ERBB4: variants seen among roughly 807,000 people sequenced by gnomAD.
The protein encoded by ERBB4 is receptor tyrosine-protein kinase erbB-4.
ERBB4 carries 42 observed loss-of-function variants against 158.0 expected under a neutral mutation model. The ratio of observed to expected loss-of-function variants is 0.27; its 90% confidence interval spans 0.21 to 0.34. The LOEUF (loss-of-function observed/expected upper bound fraction) is 0.34. Among genes scored for constraint, ERBB4 ranks in the 10% least tolerant of loss-of-function variants. The pLI is 1.00. For missense variants in ERBB4, 1,333 were observed against 1,624.1 expected (o/e 0.82, Z 3.08); for synonymous variants, 583 against 558.7 (o/e 1.04, Z -0.61).
intron 20 of ERBB4, among the ~76,000 whole-genome samples, chr2:211,557,757 A>G (rs1232798776): frequency 6.6e-6 from 1 of 152,038 alleles, no homozygotes; most frequent in Non-Finnish European, 1.5e-5. Context: ...CCCAGCAATC[A>G]CCTTCCTGGG....
At chr2:212,350,780 G>A (rs2089217676) in intron 1 of ERBB4, among the ~76,000 whole-genome samples, 1 of 146,382 alleles carries the variant, frequency 6.8e-6, no homozygotes, top group Non-Finnish European at 1.5e-5. Context: ...TAAATAAGGT[G>A]ACAAATTCAA....
intron 1 of ERBB4, among the ~76,000 whole-genome samples, chr2:212,147,861 T>C (rs1021763385): frequency 1.1e-4 from 16 of 152,154 alleles, no homozygotes; most frequent in African/African-American, 3.9e-4. Flanking sequence ...TATTTGCAAT[T>C]GTGGGGAGTT....
At chr2:212,183,337 G>A (rs2081928642) in intron 1 of ERBB4, among the ~76,000 whole-genome samples, 1 of 151,950 alleles carries the variant, frequency 6.6e-6, no homozygotes, top group Non-Finnish European at 1.5e-5. Flanking sequence ...TGAAGCATTA[G>A]AAACAGAGGG....
At chr2:212,436,406 A>C (rs1214730271) in intron 1 of ERBB4, among the ~76,000 whole-genome samples, 1 of 152,046 alleles carries the variant, frequency 6.6e-6, no homozygotes, top group Non-Finnish European at 1.5e-5. Context: ...TGATAAGAAA[A>C]TATCTACAAT....
chr2:212,232,650 C>T (rs771802647), intron 1 of ERBB4, among the ~76,000 whole-genome samples: 12 of 152,056 alleles, frequency 7.9e-5, no homozygotes, highest in African/African-American at 1.2e-4. Flanking sequence ...CCTCATGATC[C>T]GCCTGCCTCG....
At chr2:211,601,894 G>C (rs995075960) in intron 19 of ERBB4, among the ~76,000 whole-genome samples, 1 of 152,010 alleles carries the variant, frequency 6.6e-6, no homozygotes, top group African/African-American at 2.4e-5. Flanking sequence ...AAAGTATTGG[G>C]GGTCATATAA....
At chr2:211,661,759 G>A (rs2105909721) in intron 15 of ERBB4, among the ~76,000 whole-genome samples, 1 of 152,062 alleles carries the variant, frequency 6.6e-6, no homozygotes, top group Non-Finnish European at 1.5e-5. Flanking sequence ...TTAAGGTACG[G>A]CCGGGCGCGG....
chr2:211,562,769 C>CTTTTTTTTTTTT (rs367801279), intron 19 of ERBB4, among the ~76,000 whole-genome samples: 5 of 125,734 alleles, frequency 4.0e-5, no homozygotes, highest in African/African-American at 1.4e-4. Flanking sequence ...ACTACTCCAA[C>CTTTTTTTTTTTT]TTTTTTTTTT....
intron 19 of ERBB4, among the ~76,000 whole-genome samples, chr2:211,577,681 C>A (rs745857783): frequency 6.6e-6 from 1 of 152,104 alleles, no homozygotes; most frequent in African/African-American, 2.4e-5. Context: ...AAATATAATT[C>A]ATCACATAAA....
At chr2:212,197,828 C>T (rs950206992) in intron 1 of ERBB4, among the ~76,000 whole-genome samples, 5 of 152,172 alleles carry the variant, frequency 3.3e-5, no homozygotes, top group Non-Finnish European at 2.9e-5. Flanking sequence ...ATTTATTCCT[C>T]TAAATTCTAA....
At chr2:211,682,050 T>TCA (rs60803024) in intron 12 of ERBB4, among the ~76,000 whole-genome samples, 16,988 of 134,186 alleles carry the variant, frequency 0.13, 1,173 homozygotes, top group African/African-American at 0.21. Flanking sequence ...TTTATACACA[T>TCA]CACACACACA....
intron 2 of ERBB4, among the ~76,000 whole-genome samples, chr2:212,104,990 A>C (rs1407987057): frequency 6.6e-6 from 1 of 151,902 alleles, no homozygotes; most frequent in African/African-American, 2.4e-5. Flanking sequence ...AGTAGAATTC[A>C]TCAGACATCA....
At chr2:212,437,463 C>A (rs867149595) in intron 1 of ERBB4, among the ~76,000 whole-genome samples, 1 of 149,618 alleles carries the variant, frequency 6.7e-6, no homozygotes, top group Non-Finnish European at 1.5e-5. Flanking sequence ...AGCCTTTTAA[C>A]CTATGCTACT....
intron 1 of ERBB4, among the ~76,000 whole-genome samples, chr2:212,239,378 G>T (rs747100649): frequency 5.9e-5 from 9 of 152,154 alleles, no homozygotes; most frequent in Non-Finnish European, 8.8e-5. Context: ...AGGAGTAATT[G>T]CATATGCCCT....
intron 2 of ERBB4, among the ~76,000 whole-genome samples, chr2:212,032,175 G>T (rs1352381656): frequency 1.3e-5 from 2 of 152,028 alleles, no homozygotes; most frequent in African/African-American, 4.8e-5. Flanking sequence ...ATGATAATGA[G>T]TCACGGCTGG....
At chr2:211,803,252 T>A (rs556160584) in intron 3 of ERBB4, among the ~76,000 whole-genome samples, 2 of 152,312 alleles carry the variant, frequency 1.3e-5, no homozygotes, top group South Asian at 4.1e-4. Flanking sequence ...TTATTATTCA[T>A]TTTCAATAGA....
At chr2:211,712,020 A>C (rs774102777) in intron 9 of ERBB4, 30 bp downstream of exon 9, 6 of 1,595,056 alleles carry the variant, frequency 3.8e-6, no homozygotes, top group Non-Finnish European at 5.2e-6. Context: ...ACACTTTGTA[A>C]AATAACTTGC....
chr2:212,536,581 G>A (rs1693078709), intron 1 of ERBB4, among the ~76,000 whole-genome samples: 1 of 152,194 alleles, frequency 6.6e-6, no homozygotes, highest in African/African-American at 2.4e-5. Context: ...ATTCGCCCAG[G>A]GAAACGAGAA....
intron 3 of ERBB4, among the ~76,000 whole-genome samples, chr2:211,858,345 C>T (rs529262535): frequency 3.7e-4 from 56 of 152,280 alleles, no homozygotes; most frequent in African/African-American, 1.3e-3. Context: ...AAGTTAATTG[C>T]TTTGATCCTC....
Sources: gnomAD v4.1 joint callset for allele counts (sites outside exome capture counted in the v4.1 genomes callset) on GRCh38, gnomAD v4.1.1 for gene constraint, MANE v1.5 for transcripts, NCBI Gene and HGNC (gene_info 2026-07-23, HGNC 2026-07-21) for gene names.